FGF12: variants seen among roughly 807,000 people sequenced by gnomAD.
FGF12 encodes the protein fibroblast growth factor 12.
FGF12 carries 14 observed loss-of-function variants against 23.6 expected under a neutral mutation model. The ratio of observed to expected loss-of-function variants is 0.59; its 90% CI spans 0.39 to 0.93. The LOEUF (loss-of-function observed/expected upper bound fraction) is 0.93, where lower values mean the gene tolerates loss of function less well. Ranked by LOEUF, FGF12 falls within the 40% of genes least tolerant of loss-of-function variation. The pLI is 0.00. For missense variants in FGF12, 175 were observed against 217.8 expected (o/e 0.80, Z 1.24); for synonymous variants, 62 against 77.3 (o/e 0.80, Z 1.04).
At chr3:192,215,478 T>C (rs1042473577) in intron 4 of FGF12, among the ~76,000 whole-genome samples, 2 of 152,344 alleles carry the variant, frequency 1.3e-5, no homozygotes, top group East Asian at 1.9e-4. Context: ...GATTTTTACT[T>C]ACTACACATT....
At chr3:192,388,966 GA>G (rs2108759665) in intron 2 of FGF12, among the ~76,000 whole-genome samples, 1 of 152,036 alleles carries the variant, frequency 6.6e-6, no homozygotes, top group Admixed American at 6.6e-5. Flanking sequence ...CTGAAAAAAA[GA>G]AGCCAAAAAA....
intron 2 of FGF12, among the ~76,000 whole-genome samples, chr3:192,404,758 T>C (rs1236740203): frequency 6.6e-6 from 1 of 152,162 alleles, no homozygotes; most frequent in Non-Finnish European, 1.5e-5. Context: ...AGATCTACAG[T>C]CCACACAGTG....
chr3:192,273,799 T>C (rs1713601502), intron 4 of FGF12, among the ~76,000 whole-genome samples: 1 of 152,140 alleles, frequency 6.6e-6, no homozygotes. Flanking sequence ...GTTTGCAACC[T>C]TGAGACAGCA....
At position 192,375,100 on chromosome 3, in the gene FGF12, C is replaced by T. The variant is rs527381320; in HGVS notation, c.14-14562G>A. The stretch of plus-strand genomic sequence containing the variant: ...TTGTGCATTTTAACATAAAAATATG[C>T]CATGTATATTATCAAGCAATTTGAT... On this transcript the variant is annotated intron_variant, in intron 2 of 5. Transcript: ENST00000445105. 2.0e-5 allele frequency among the ~76,000 whole-genome samples: 3 copies of T among 152,252 alleles called. No individual in the cohort carries two copies. The East Asian group carries it at 5.8e-4, about 29-fold the overall frequency.
At chr3:192,271,157 TG>T (rs1187205541) in intron 4 of FGF12, among the ~76,000 whole-genome samples, 1 of 152,240 alleles carries the variant, frequency 6.6e-6, no homozygotes, top group Non-Finnish European at 1.5e-5. Flanking sequence ...GCATCATTTT[TG>T]GTTACCAAGG....
At chr3:192,198,068 T>C (rs931765878) in intron 4 of FGF12, among the ~76,000 whole-genome samples, 1 of 151,910 alleles carries the variant, frequency 6.6e-6, no homozygotes, top group African/African-American at 2.4e-5. Flanking sequence ...AACAAACTTC[T>C]TAACTTTATA....
chr3:192,685,331 G>A lies in FGF12; in HGVS notation c.13+41850C>T, dbSNP rs1241873831. On this transcript the variant is annotated intron_variant, in intron 2 of 5. Coordinates refer to ENST00000445105, the MANE Select transcript of FGF12 (RefSeq NM_004113.6). ...CTCCCAAAGTGCTGGGATTACAGGC[G>A]TGAGCCACTGTGCCTGGCCTACAAA... Among the ~76,000 whole-genome samples the A allele has an allele frequency of 8.5e-5, 13 of 152,288 alleles. No individual in the cohort carries two copies. In the East Asian group the frequency reaches 9.6e-4, roughly 11 times the overall value.
At chr3:192,274,049 AAC>A (rs1254957293) in intron 4 of FGF12, among the ~76,000 whole-genome samples, 1 of 152,170 alleles carries the variant, frequency 6.6e-6, no homozygotes, top group East Asian at 1.9e-4. Context: ...CCTCAAGGTT[AAC>A]ACATCCTAAT....
intron 4 of FGF12, among the ~76,000 whole-genome samples, chr3:192,174,465 A>G (rs1455960772): frequency 6.6e-6 from 1 of 152,200 alleles, no homozygotes; most frequent in African/African-American, 2.4e-5. Flanking sequence ...AAAATGAGGC[A>G]GCTATTAATA....
intron 2 of FGF12, among the ~76,000 whole-genome samples, chr3:192,457,105 A>C (rs768483985): frequency 2.0e-5 from 3 of 152,182 alleles, no homozygotes; most frequent in Non-Finnish European, 4.4e-5. Context: ...GGCATGTAAG[A>C]AGTACCTTTC....
chr3:192,395,889 G>A (rs532342631), intron 2 of FGF12, among the ~76,000 whole-genome samples: 7 of 152,268 alleles, frequency 4.6e-5, no homozygotes, highest in East Asian at 1.9e-4. Flanking sequence ...GGCATCCCTC[G>A]TGGAGAAATA....
intron 2 of FGF12, among the ~76,000 whole-genome samples, chr3:192,453,401 T>C (rs990597691): frequency 1.3e-5 from 2 of 152,162 alleles, no homozygotes; most frequent in Non-Finnish European, 2.9e-5. Flanking sequence ...CATTCTAATA[T>C]ATGAAGTTCT....
chr3:192,274,540 A>C (rs1019026505), intron 4 of FGF12, among the ~76,000 whole-genome samples: 1 of 152,074 alleles, frequency 6.6e-6, no homozygotes, highest in African/African-American at 2.4e-5. Context: ...GGGTCGTCAG[A>C]GTTTAAGAAT....
chr3:192,280,836 T>G (rs1315030396), intron 4 of FGF12, among the ~76,000 whole-genome samples: 1 of 152,132 alleles, frequency 6.6e-6, no homozygotes, highest in Non-Finnish European at 1.5e-5. Context: ...AGTTCAAATG[T>G]TTGAGGCTTT....
chr3:192,627,219 T>C (rs1024580279), intron 2 of FGF12, among the ~76,000 whole-genome samples: 2 of 152,114 alleles, frequency 1.3e-5, no homozygotes, highest in Non-Finnish European at 2.9e-5. Flanking sequence ...ATATAGTTTG[T>C]AATATAATAA....
chr3:192,466,795 T>C (rs1029991852), intron 2 of FGF12, among the ~76,000 whole-genome samples: 10 of 152,002 alleles, frequency 6.6e-5, no homozygotes, highest in Non-Finnish European at 1.0e-4. Context: ...TATGGAAGAG[T>C]TGAAATCAGA....
intron 3 of FGF12, among the ~76,000 whole-genome samples, chr3:192,353,957 A>G (rs1043151669): frequency 6.6e-6 from 1 of 152,158 alleles, no homozygotes; most frequent in Non-Finnish European, 1.5e-5. Context: ...TTCCTTCATA[A>G]TTTTCCTCAG....
intron 2 of FGF12, among the ~76,000 whole-genome samples, chr3:192,477,063 T>C (rs1180768728): frequency 6.6e-6 from 1 of 152,128 alleles, no homozygotes; most frequent in Admixed American, 6.5e-5. Flanking sequence ...CCAGGGCTAG[T>C]AGCAGCAGAG....
Position 192,143,849 on chromosome 3 carries a change from C to T in FGF12, c.*160G>A. On this transcript the variant is annotated 3_prime_UTR_variant, in exon 6 of 6. Transcript: ENST00000445105. ...GCAAGCTTTGGTTCAATTTTCTTGT[C>T]CTACACAAAGGAAGATTTTGAGTGC... 3 of 559,580 alleles carry T rather than the reference C, an allele frequency of 5.4e-6. No individual in the cohort carries two copies. Among genetic ancestry groups the T allele is most frequent in the Non-Finnish European group, 9.6e-6 (3 of 313,056 alleles). 34.7% of individuals were successfully genotyped at this position (559,580 alleles called of 1,614,324 possible).
Sources: allele counts gnomAD v4.1 joint callset (sites outside exome capture counted in the v4.1 genomes callset), GRCh38; gene constraint gnomAD v4.1.1; transcripts MANE v1.5; gene names NCBI Gene and HGNC (gene_info 2026-07-23, HGNC 2026-07-21).